The following AKR1B1 variants were observed in gnomAD, a reference collection of about 807,000 sequenced individuals.
AKR1B1 encodes the protein aldo-keto reductase family 1 member B1.
A neutral mutation model predicts 40.4 loss-of-function variants in AKR1B1; 22 were observed. The observed-to-expected ratio is 0.54, with a 90% CI of 0.39 to 0.78. The LOEUF is 0.78. AKR1B1 is among the 30% of genes least tolerant of loss of function. The pLI, the probability that AKR1B1 is intolerant of heterozygous loss-of-function variation, is 0.00. For missense variants in AKR1B1, 357 were observed against 396.7 expected (o/e 0.90, Z 0.85); for synonymous variants, 157 against 149.9 (o/e 1.05, Z -0.35).
chr7:134,448,867 C>T (rs1806191625), intron 5 of AKR1B1, 130 bp downstream of exon 5: 2 of 1,114,310 alleles, frequency 1.8e-6, no homozygotes, highest in Non-Finnish European at 1.4e-6. Context: ...TGAATCATAA[C>T]TCAGGACTCT....
At chr7:134,451,420 T>C in intron 2 of AKR1B1, 166 bp downstream of exon 2, 1 of 809,570 alleles carries the variant, frequency 1.2e-6, no homozygotes, top group Admixed American at 2.0e-5. Flanking sequence ...GAGCCAAGGA[T>C]GGGCGAGCTC....
rs369344364 is a variant in AKR1B1, at chr7:134,448,991, G to T, written c.552+6C>A. ...TGCAATGCCAGTGTCGTTGGGGGATGTTTACCTGGTTAACTGCAGGCTTAT... is the reference window on the plus strand; with the variant it reads ...TGCAATGCCAGTGTCGTTGGGGGATTTTTACCTGGTTAACTGCAGGCTTAT... On this transcript the variant is annotated splice_donor_region_variant and intron_variant, in intron 5 of 9. Transcript: ENST00000285930. 1.2e-5 allele frequency: 20 copies of T among 1,613,948 alleles called. No homozygotes were observed. The African/African-American group carries it at 2.7e-4, about 22-fold the overall frequency.
intron 3 of AKR1B1, 82 bp downstream of exon 3, chr7:134,450,704 G>C (rs576954208): frequency 9.6e-7 from 1 of 1,042,482 alleles, no homozygotes; most frequent in African/African-American, 1.6e-5. Flanking sequence ...TCACCCACAC[G>C]TAATCTGCTA....
At chr7:134,447,241 C>A in intron 8 of AKR1B1, 57 bp downstream of exon 8, 1 of 1,417,414 alleles carries the variant, frequency 7.1e-7, no homozygotes. Flanking sequence ...GGATGAGAGG[C>A]CTCCCCCATC....
At chr7:134,448,954 A>G (rs773183131) in intron 5 of AKR1B1, 43 bp downstream of exon 5, 17 of 1,613,442 alleles carry the variant, frequency 1.1e-5, no homozygotes, top group East Asian at 2.2e-5. Context: ...TCAGACAGTA[A>G]AACAGCAACG....
At chr7:134,448,907 C>CT (rs1382595716) in intron 5 of AKR1B1, 90 bp downstream of exon 5, 1 of 1,560,652 alleles carries the variant, frequency 6.4e-7, no homozygotes, top group East Asian at 2.2e-5. Context: ...CTCCTGGCCA[C>CT]TTGCTGGGTG....
upstream of AKR1B1, chr7:134,459,229 C>T: frequency 1.3e-6 from 1 of 790,552 alleles, no homozygotes. Flanking sequence ...CGGCCTTCCC[C>T]AAGGGTCGGC....
intron 8 of AKR1B1, 107 bp from the exon 9 acceptor site, chr7:134,445,427 T>A: frequency 1.1e-6 from 1 of 898,084 alleles, no homozygotes; most frequent in Non-Finnish European, 1.8e-6. Context: ...AGAGGAGCGA[T>A]AAGATAAACT....
chr7:134,456,884 G>A (rs1644486670), intron 1 of AKR1B1, among the ~76,000 whole-genome samples: 1 of 152,150 alleles, frequency 6.6e-6, no homozygotes, highest in Non-Finnish European at 1.5e-5. Flanking sequence ...GCTTTTTGGG[G>A]CATTGAGTGC....
chr7:134,448,212 AG>A, intron 6 of AKR1B1, 151 bp from the exon 7 acceptor site: 1 of 918,086 alleles, frequency 1.1e-6, no homozygotes, highest in Non-Finnish European at 1.7e-6. Flanking sequence ...CTTTGGAAAA[AG>A]AGTAGGTGTC....
chr7:134,445,896 C>T (rs528357627), intron 8 of AKR1B1, among the ~76,000 whole-genome samples: 13 of 152,324 alleles, frequency 8.5e-5, no homozygotes, highest in East Asian at 3.9e-4. Context: ...AGGCAGCAGA[C>T]GGTACAGAAC....
chr7:134,454,031 G>C (rs956937205), intron 1 of AKR1B1, among the ~76,000 whole-genome samples: 3 of 152,112 alleles, frequency 2.0e-5, no homozygotes, highest in African/African-American at 7.2e-5. Context: ...CTAAAAAGAA[G>C]GTAAACTATG....
chr7:134,457,310 A>G (rs2117468133), intron 1 of AKR1B1, among the ~76,000 whole-genome samples: 1 of 152,346 alleles, frequency 6.6e-6, no homozygotes, highest in Non-Finnish European at 1.5e-5. Context: ...TTTTTATTCC[A>G]GTTACATGTA....
chr7:134,456,306 T>C (rs1806470645), intron 1 of AKR1B1, among the ~76,000 whole-genome samples: 1 of 152,028 alleles, frequency 6.6e-6, no homozygotes, highest in South Asian at 2.1e-4. Flanking sequence ...TTCAAGCGAT[T>C]TTCCTGCCTC....
intron 3 of AKR1B1, among the ~76,000 whole-genome samples, chr7:134,450,532 G>C (rs1182005201): frequency 6.6e-6 from 1 of 152,200 alleles, no homozygotes; most frequent in Non-Finnish European, 1.5e-5. Flanking sequence ...AACTGGCAAA[G>C]AGCAGTGCTC....
intron 9 of AKR1B1, among the ~76,000 whole-genome samples, chr7:134,444,279 T>C (rs1439043567): frequency 6.6e-6 from 1 of 152,208 alleles, no homozygotes; most frequent in Non-Finnish European, 1.5e-5. Context: ...CTATTTTGAG[T>C]GTGAGGCCAC....
chr7:134,452,678 C>A (rs942316217), intron 1 of AKR1B1, among the ~76,000 whole-genome samples: 8 of 152,238 alleles, frequency 5.3e-5, no homozygotes, highest in Non-Finnish European at 1.0e-4. Flanking sequence ...TAAACATGTG[C>A]AGCGGGCTGT....
At chr7:134,459,101 G>A (rs766593138), upstream of AKR1B1, 16 of 1,582,002 alleles carry the variant, frequency 1.0e-5, no homozygotes, top group Non-Finnish European at 1.3e-5. Context: ...AGTACGGTGC[G>A]GCCTTGGCCG....
chr7:134,445,514 C>T (rs921170201), intron 8 of AKR1B1, among the ~76,000 whole-genome samples, 194 bp from the exon 9 acceptor site: 9 of 152,208 alleles, frequency 5.9e-5, no homozygotes, highest in African/African-American at 2.2e-4. Flanking sequence ...ACGATGGAAA[C>T]AGTCCTTCCT....
Sources: gnomAD v4.1 joint callset for allele counts (sites outside exome capture counted in the v4.1 genomes callset) on GRCh38, gnomAD v4.1.1 for gene constraint, MANE v1.5 for transcripts, NCBI Gene and HGNC (gene_info 2026-07-23, HGNC 2026-07-21) for gene names.